Variants in ARFIP1 observed in about 807,000 individuals in gnomAD.
The protein encoded by ARFIP1 is ARF interacting protein 1, also known as arfaptin-1.
In ARFIP1, 24 loss-of-function variants were observed where a neutral mutation model predicts 42.5. The observed-to-expected ratio is 0.57, with a 90% CI of 0.41 to 0.80. The LOEUF (loss-of-function observed/expected upper bound fraction) is 0.80, where lower values mean the gene tolerates loss of function less well. Among genes scored for constraint, ARFIP1 ranks in the 30% least tolerant of loss-of-function variants. ARFIP1 has a pLI of 0.00. For missense variants in ARFIP1, 354 were observed against 434.0 expected (o/e 0.82, Z 1.64); for synonymous variants, 141 against 153.7 (o/e 0.92, Z 0.61).
chr4:152,859,214 A>G (rs928766267), intron 2 of ARFIP1, among the ~76,000 whole-genome samples: 1 of 152,090 alleles, frequency 6.6e-6, no homozygotes, highest in Non-Finnish European at 1.5e-5. Context: ...GGCTCATGCC[A>G]CCATGCCCAG....
chr4:152,854,098 A>G (rs1733225690), intron 2 of ARFIP1, among the ~76,000 whole-genome samples: 1 of 151,474 alleles, frequency 6.6e-6, no homozygotes, highest in South Asian at 2.1e-4. Context: ...TTTTTAGTAG[A>G]GGCGGGGTTT....
intron 8 of ARFIP1, among the ~76,000 whole-genome samples, chr4:152,897,983 CT>C (rs766083303): frequency 0.011 from 1,309 of 121,450 alleles, 16 homozygotes; most frequent in African/African-American, 0.035. Context: ...TTGCAATGTT[CT>C]TTTTTTTTTT....
At chr4:152,793,913 A>G (rs759774558) in intron 1 of ARFIP1, among the ~76,000 whole-genome samples, 12 of 152,150 alleles carry the variant, frequency 7.9e-5, no homozygotes, top group Admixed American at 3.3e-4. Context: ...CACTATCTCT[A>G]CAGGTTCCTT....
intron 8 of ARFIP1, among the ~76,000 whole-genome samples, chr4:152,894,665 C>T (rs1458776759): frequency 6.6e-6 from 1 of 152,182 alleles, no homozygotes; most frequent in African/African-American, 2.4e-5. Context: ...GCATAACAAG[C>T]AACCAGGGAG....
chr4:152,882,710 T>A lies in ARFIP1; in HGVS notation c.634-13T>A, dbSNP rs771491496. ...TTATTACTGAATAAATTAAGGTGAC[T>A]TCTTTGTTTTAGGAAGAATTTGGCT... On this transcript the variant is annotated splice_polypyrimidine_tract_variant and intron_variant, in intron 6 of 8. Coordinates refer to ENST00000353617, the MANE Select transcript of ARFIP1 (RefSeq NM_001025595.3). 6 of 1,610,126 alleles carry A rather than the reference T, an allele frequency of 3.7e-6. No homozygotes were observed. The highest frequency in any genetic ancestry group is 5.1e-6 in the Non-Finnish European group (6 of 1,178,336).
chr4:152,796,169 C>T, intron 1 of ARFIP1: 1 of 755,708 alleles, frequency 1.3e-6, no homozygotes, highest in Non-Finnish European at 2.5e-6. Context: ...AGGCCCACTT[C>T]ACTCACATTT....
rs764318893 is a variant in ARFIP1, at chr4:152,840,713, CTTTTTTTTTT to C, written c.93+11000_93+11009del. On this transcript the variant is annotated intron_variant, in intron 2 of 8. Transcript: ENST00000353617. The stretch of plus-strand genomic sequence containing the variant: ...TCTTATCCATTCTGTGGCTCTGTAT[CTTTTTTTTTT>C]TTTTTTTTTTTTGAGACAGCGTCTC... Among the ~76,000 whole-genome samples the C allele has an allele frequency of 2.8e-5, 3 of 107,782 alleles. No individual in the cohort carries two copies. The East Asian group carries it at 8.7e-4, about 31-fold the overall frequency. 70.7% of individuals were successfully genotyped at this position (107,782 alleles called of 152,430 possible). A position where few individuals can be genotyped will look rare whatever the true frequency, so the allele number is the denominator to read the frequency against.
At chr4:152,796,123 A>G in intron 1 of ARFIP1, 1 of 749,202 alleles carries the variant, frequency 1.3e-6, no homozygotes, top group South Asian at 1.4e-5. Context: ...TAACCTGGGC[A>G]TATTTCCCCA....
chr4:152,909,755 A>C (rs950813707), intron 8 of ARFIP1, among the ~76,000 whole-genome samples: 4 of 152,220 alleles, frequency 2.6e-5, no homozygotes, highest in African/African-American at 9.6e-5. Context: ...TTTTGAATGT[A>C]CTTAGTTTGA....
chr4:152,906,200 T>C (rs77440344), intron 8 of ARFIP1, among the ~76,000 whole-genome samples: 5,575 of 152,168 alleles, frequency 0.037, 150 homozygotes, highest in East Asian at 0.077. Flanking sequence ...ATCACTTCTC[T>C]GTCCACTCTC....
In ARFIP1 at chr4:152,829,694, G is replaced by A; in HGVS notation, c.61G>A (p.Val21Ile). 1.2e-6 allele frequency: 2 copies of A among 1,611,852 alleles called. No homozygotes were observed. The highest frequency in any genetic ancestry group is 2.2e-5 in the East Asian group (1 of 44,780). Residue 21 changes from valine (V) to isoleucine (I), a missense_variant, in exon 2 of 9, where the codon GTT (valine) becomes ATT (isoleucine). Physicochemically the swap from Val to Ile is conservative, Grantham distance 29. Coordinates refer to ENST00000353617, the MANE Select transcript of ARFIP1 (RefSeq NM_001025595.3). Reference protein sequence around the residue: ...AEIPVTSNGEVDDSREHSFNR... With the variant: ...AEIPVTSNGEIDDSREHSFNR... ...AATTCCAGTGACTAGTAATGGAGAAGTTGATGACTCTCGTGAACATAGCTT... is the reference window on the plus strand; with the variant it reads ...AATTCCAGTGACTAGTAATGGAGAAATTGATGACTCTCGTGAACATAGCTT...
intron 1 of ARFIP1, among the ~76,000 whole-genome samples, chr4:152,792,431 C>A (rs923568593): frequency 1.3e-5 from 2 of 151,960 alleles, no homozygotes; most frequent in African/African-American, 4.8e-5. Context: ...ATTCATATTC[C>A]AGTATGATGT....
At chr4:152,842,075 G>A (rs377679713) in intron 2 of ARFIP1, among the ~76,000 whole-genome samples, 9 of 152,132 alleles carry the variant, frequency 5.9e-5, no homozygotes, top group Admixed American at 2.0e-4. Flanking sequence ...GAAGGTGACC[G>A]CGTCTACCTT....
At chr4:152,830,193 C>T (rs993720797) in intron 2 of ARFIP1, among the ~76,000 whole-genome samples, 1 of 152,006 alleles carries the variant, frequency 6.6e-6, no homozygotes, top group African/African-American at 2.4e-5. Flanking sequence ...GTCTCTCAGT[C>T]GAAATTTAAT....
chr4:152,811,231 T>G (rs551558477), intron 1 of ARFIP1, among the ~76,000 whole-genome samples: 1 of 152,208 alleles, frequency 6.6e-6, no homozygotes, highest in East Asian at 1.9e-4. Flanking sequence ...TGAATAAATC[T>G]TTACTTAATT....
chr4:152,896,564 G>T (rs923112629), intron 8 of ARFIP1, among the ~76,000 whole-genome samples: 2 of 151,982 alleles, frequency 1.3e-5, no homozygotes, highest in African/African-American at 4.8e-5. Flanking sequence ...TCTTGTATTT[G>T]CACAAAGAAA....
At chr4:152,885,880 G>T (rs1015378838) in intron 7 of ARFIP1, among the ~76,000 whole-genome samples, 1 of 151,754 alleles carries the variant, frequency 6.6e-6, no homozygotes, top group Non-Finnish European at 1.5e-5. Context: ...CATTCTAAAG[G>T]TATCAGTTAT....
intron 2 of ARFIP1, among the ~76,000 whole-genome samples, chr4:152,840,450 G>C (rs1355502106): frequency 6.6e-6 from 1 of 152,162 alleles, no homozygotes; most frequent in Non-Finnish European, 1.5e-5. Flanking sequence ...GTGCATATTT[G>C]TGTAGGATTG....
chr4:152,811,620 C>T (rs1046305416), intron 1 of ARFIP1, among the ~76,000 whole-genome samples: 10 of 152,184 alleles, frequency 6.6e-5, no homozygotes, highest in East Asian at 3.9e-4. Flanking sequence ...AAGTGAAGCC[C>T]GAAAAGTTGA....
Sources: allele counts gnomAD v4.1 joint callset (sites outside exome capture counted in the v4.1 genomes callset), GRCh38; gene constraint gnomAD v4.1.1; transcripts MANE v1.5; gene names NCBI Gene and HGNC (gene_info 2026-07-23, HGNC 2026-07-21).